Variants in SRGAP2 observed in about 807,000 individuals in gnomAD.
SRGAP2 encodes SLIT-ROBO Rho GTPase-activating protein 2.
A neutral mutation model predicts 57.2 loss-of-function variants in SRGAP2; 15 were observed. The observed-to-expected ratio is 0.26, with a 90% CI of 0.18 to 0.40. The LOEUF (loss-of-function observed/expected upper bound fraction) is 0.40. Ranked by LOEUF, SRGAP2 falls within the 10% of genes least tolerant of loss-of-function variation. SRGAP2 has a pLI of 1.00. For synonymous variants in SRGAP2, 249 were observed against 248.0 expected (o/e 1.00, Z -0.04); for missense variants, 520 against 669.6 (o/e 0.78, Z 2.47).
chr1:206,392,988 G>A (rs1657155609), intron 6 of SRGAP2, 84 bp downstream of exon 6: 1 of 716,786 alleles, frequency 1.4e-6, no homozygotes. Context: ...TAGTCACTGG[G>A]AAGAGCAGAC....
chr1:206,443,783 C>G (rs1662515002), intron 17 of SRGAP2, among the ~76,000 whole-genome samples: 1 of 151,708 alleles, frequency 6.6e-6, no homozygotes, highest in Non-Finnish European at 1.5e-5. Context: ...TGACATTTTA[C>G]ACAAAACTGT....
rs11805306 is a variant in SRGAP2 at position 206,454,385 on chromosome 1, G to A, written c.2361-493G>A. 3.7e-3 allele frequency: 2,175 copies of A among 592,288 alleles called. 42 individuals are homozygous for A. In the African/African-American group the frequency reaches 0.037, roughly 10 times the overall value. The allele number at this position is 592,288 out of a possible 1,614,324, so 36.7% of individuals were successfully genotyped here. A position where few individuals can be genotyped will look rare whatever the true frequency, so the allele number is the denominator to read the frequency against. On this transcript the variant is annotated intron_variant, in intron 20 of 22. Transcript: ENST00000573034. This position sits in a 1 kb window ranked among gnomAD's most constrained non-coding sequence, Gnocchi z 4.3. ...GAGAGCAGTGGAGAGACCTGGGACC[G>A]GCTTGGATGCTCTGAGCGGGGCTAG... is the stretch of plus-strand genomic sequence containing the variant.
rs1026827814 is a variant in SRGAP2, at chr1:206,453,920, G to A, written c.2360+540G>A. 24 of 542,150 alleles carry A rather than the reference G, an allele frequency of 4.4e-5. 1 individual carries two copies. In the South Asian group the frequency reaches 5.1e-4, roughly 11 times the overall value. The allele number at this position is 542,150 out of a possible 1,614,324, so 33.6% of individuals were successfully genotyped here. On this transcript the variant is annotated intron_variant, in intron 20 of 22. Coordinates refer to ENST00000573034, the MANE Select transcript of SRGAP2 (RefSeq NM_015326.5). ...GAGGTTGATATAGGGTAAGATGGGG[G>A]AAGGAGGGAAAAGGATGTCAAGGAA...
At chr1:206,334,634 T>A (rs1204770943) in intron 3 of SRGAP2, among the ~76,000 whole-genome samples, 1 of 152,088 alleles carries the variant, frequency 6.6e-6, no homozygotes, top group Non-Finnish European at 1.5e-5. Flanking sequence ...AGATCAAACT[T>A]CTCCGCTCAT....
Position 206,461,807 on chromosome 1 carries a change from T to C in SRGAP2, c.*387T>C, listed in dbSNP as rs193161073. 176 of 194,546 alleles carry C rather than the reference T, an allele frequency of 9.0e-4. 2 individuals are homozygous for C. Among genetic ancestry groups the C allele is most frequent in the African/African-American group, 4.0e-3 (174 of 43,000 alleles). 12.1% of individuals were successfully genotyped at this position (194,546 alleles called of 1,614,324 possible). A position where few individuals can be genotyped will look rare whatever the true frequency, so the allele number is the denominator to read the frequency against. On this transcript the variant is annotated 3_prime_UTR_variant, in exon 23 of 23. Coordinates refer to ENST00000573034, the MANE Select transcript of SRGAP2 (RefSeq NM_015326.5). The stretch of plus-strand genomic sequence containing the variant: ...TTGGCTACTGCCATCCAGCTTTCAG[T>C]GGCATCTTGTTTTGGGAACTGATTA...
intron 12 of SRGAP2, among the ~76,000 whole-genome samples, chr1:206,420,900 AT>A (rs1428793767): frequency 2.6e-5 from 4 of 152,244 alleles, no homozygotes; most frequent in Non-Finnish European, 4.4e-5. Context: ...AGGCAAAAAA[AT>A]CTTCTTATTG....
intron 2 of SRGAP2, among the ~76,000 whole-genome samples, chr1:206,254,291 A>G (rs1669052256): frequency 7.1e-6 from 1 of 140,944 alleles, no homozygotes; most frequent in African/African-American, 2.8e-5. Context: ...ATTTTGCCAG[A>G]CTTGTTTCAT....
intron 2 of SRGAP2, among the ~76,000 whole-genome samples, chr1:206,236,318 G>A (rs1203814860): frequency 2.6e-5 from 4 of 152,220 alleles, no homozygotes; most frequent in Non-Finnish European, 5.9e-5. Flanking sequence ...CGAATAAACC[G>A]AAATGTATTA....
At chr1:206,409,600 G>T (rs1659003487) in intron 10 of SRGAP2, among the ~76,000 whole-genome samples, 1 of 152,038 alleles carries the variant, frequency 6.6e-6, no homozygotes, top group African/African-American at 2.4e-5. Flanking sequence ...TGGACAACAT[G>T]GTGAAACCCT....
intron 4 of SRGAP2, among the ~76,000 whole-genome samples, chr1:206,346,093 T>C (rs575469795): frequency 2.4e-4 from 37 of 152,288 alleles, no homozygotes; most frequent in African/African-American, 8.2e-4. Context: ...GGTTAAGATA[T>C]AGTATCAGAT....
At chr1:206,300,069 T>TG (rs1370857462) in intron 2 of SRGAP2, among the ~76,000 whole-genome samples, 2 of 150,898 alleles carry the variant, frequency 1.3e-5, no homozygotes, top group Admixed American at 6.6e-5. Context: ...CTCTGTCCTC[T>TG]GGGCTTCCTG....
rs1204485820 is a variant in SRGAP2, at chr1:206,461,720, T to G, written c.*300T>G. ...GTCACTGTGAAATCTGGTAAGGCAG[T>G]CCTGAGGACATGGGCTCAAGTCTCA... On this transcript the variant is annotated 3_prime_UTR_variant, in exon 23 of 23. Coordinates refer to ENST00000573034, the MANE Select transcript of SRGAP2 (RefSeq NM_015326.5). 3.2e-6 allele frequency: 1 copy of G among 313,516 alleles called. No homozygotes were observed. Among genetic ancestry groups the G allele is most frequent in the Non-Finnish European group, 5.9e-6 (1 of 168,914 alleles). 19.4% of individuals were successfully genotyped at this position (313,516 alleles called of 1,614,324 possible). A position where few individuals can be genotyped will look rare whatever the true frequency, so the allele number is the denominator to read the frequency against.
At chr1:206,319,094 G>A (rs1673266913) in intron 3 of SRGAP2, among the ~76,000 whole-genome samples, 1 of 151,938 alleles carries the variant, frequency 6.6e-6, no homozygotes, top group African/African-American at 2.4e-5. Context: ...CTCAGTGTTG[G>A]TTTTGCTAGA....
intron 3 of SRGAP2, among the ~76,000 whole-genome samples, chr1:206,321,244 C>T (rs1415616834): frequency 7.1e-6 from 1 of 140,636 alleles, no homozygotes; most frequent in African/African-American, 3.0e-5. Flanking sequence ...ATTCAAGTCA[C>T]ACACTTTTGG....
At chr1:206,350,974 G>A (rs1442291090) in intron 4 of SRGAP2, among the ~76,000 whole-genome samples, 2 of 151,418 alleles carry the variant, frequency 1.3e-5, no homozygotes, top group Non-Finnish European at 3.0e-5. Context: ...ACAACAGTCA[G>A]ATTTCTTTTG....
chr1:206,366,411 C>T (rs1365593493), intron 4 of SRGAP2, among the ~76,000 whole-genome samples: 5 of 152,142 alleles, frequency 3.3e-5, no homozygotes, highest in African/African-American at 9.7e-5. Context: ...AGCCCTGTAG[C>T]GCCTGTGGAG....
chr1:206,291,557 C>T (rs1245407585), intron 2 of SRGAP2, among the ~76,000 whole-genome samples: 4 of 151,738 alleles, frequency 2.6e-5, no homozygotes, highest in Admixed American at 2.6e-4. Flanking sequence ...TTTCTGAATG[C>T]GGTCTATCCT....
intron 18 of SRGAP2, among the ~76,000 whole-genome samples, chr1:206,449,286 A>ATTTTTT (rs35698284): frequency 6.3e-5 from 7 of 110,708 alleles, no homozygotes; most frequent in African/African-American, 2.6e-4. Flanking sequence ...ACACTGGATG[A>ATTTTTT]TTTTTTTTTT....
At chr1:206,429,923 G>A (rs1553367731) in intron 13 of SRGAP2, among the ~76,000 whole-genome samples, 1 of 152,152 alleles carries the variant, frequency 6.6e-6, no homozygotes, top group Non-Finnish European at 1.5e-5. Context: ...TGAGAAACTG[G>A]TTTGGGGCAG....
Sources: allele counts gnomAD v4.1 joint callset (sites outside exome capture counted in the v4.1 genomes callset), GRCh38; gene constraint gnomAD v4.1.1; non-coding constraint Gnocchi (gnomAD v3.1); transcripts MANE v1.5; gene names NCBI Gene and HGNC (gene_info 2026-07-23, HGNC 2026-07-21).